The following FRMD4B variants were observed in gnomAD, a reference collection of about 807,000 sequenced individuals.
FRMD4B encodes FERM domain-containing protein 4B.
Under a neutral mutation model 141.5 loss-of-function variants are expected in FRMD4B, and 74 were observed. The observed-to-expected ratio is 0.52, with a 90% CI of 0.43 to 0.63. The LOEUF (loss-of-function observed/expected upper bound fraction) is 0.63. FRMD4B is among the 30% of genes least tolerant of loss of function. FRMD4B has a pLI of 0.00. For synonymous variants in FRMD4B, 506 were observed against 467.9 expected, an observed-to-expected ratio of 1.08 and a Z score of -1.05; for missense variants, 1,366 against 1,253.4, an observed-to-expected ratio of 1.09 and a Z score of -1.36.
rs1160250219 is a variant in FRMD4B, at chr3:69,193,706, T to A, written c.1656A>T (p.Ile552=). ...MKKLQEIENA[I]NEYRIRCGKK... ...TTCCACACCTAATTCGGTATTCGTT[T>A]ATTGCATTTTCAATCTCCTGAAGCT... Residue 552 remains isoleucine (I), a synonymous_variant, in exon 17 of 23, where the codon ATA becomes ATT. Coordinates refer to ENST00000398540, the MANE Select transcript of FRMD4B (RefSeq NM_015123.3). 1 of 1,613,856 alleles carries A rather than the reference T, an allele frequency of 6.2e-7. No homozygotes were observed. Among genetic ancestry groups the A allele is most frequent in the East Asian group, 2.2e-5 (1 of 44,880 alleles).
intron 1 of FRMD4B, among the ~76,000 whole-genome samples, chr3:69,325,760 AC>A (rs1245860026): frequency 6.6e-6 from 1 of 152,116 alleles, no homozygotes; most frequent in Non-Finnish European, 1.5e-5. Context: ...TCAGTAATAC[AC>A]CATTTATTGA....
chr3:69,433,959 A>C (rs1338765269), intron 1 of FRMD4B, among the ~76,000 whole-genome samples: 1 of 152,216 alleles, frequency 6.6e-6, no homozygotes, highest in Non-Finnish European at 1.5e-5. Flanking sequence ...GTACAGAAAG[A>C]GAGAGAGAAA....
intron 1 of FRMD4B, among the ~76,000 whole-genome samples, chr3:69,452,418 G>A (rs1378508107): frequency 6.6e-6 from 1 of 152,222 alleles, no homozygotes; most frequent in Non-Finnish European, 1.5e-5. Flanking sequence ...GGGTGACCTT[G>A]AGCAAGTCAT....
intron 4 of FRMD4B, among the ~76,000 whole-genome samples, chr3:69,300,731 T>TTTTTTG (rs948900968): frequency 3.9e-5 from 6 of 152,170 alleles, no homozygotes; most frequent in African/African-American, 9.7e-5. Context: ...CCTATTGGTT[T>TTTTTTG]TTTTTGTTTT....
At chr3:69,211,572 T>C (rs1359668935) in intron 11 of FRMD4B, among the ~76,000 whole-genome samples, 3 of 152,204 alleles carry the variant, frequency 2.0e-5, no homozygotes, top group African/African-American at 7.2e-5. Flanking sequence ...GAACAACTCC[T>C]TTTCAAAACA....
At chr3:69,315,369 A>G (rs763263989) in intron 1 of FRMD4B, among the ~76,000 whole-genome samples, 1 of 152,134 alleles carries the variant, frequency 6.6e-6, no homozygotes, top group Non-Finnish European at 1.5e-5. Flanking sequence ...ATATATTTAC[A>G]TATTAAAATA....
At chr3:69,536,666 G>A in intron 1 of FRMD4B, 1 of 888,396 alleles carries the variant, frequency 1.1e-6, no homozygotes. Context: ...AGAGTGAGAT[G>A]TCACTGGTGA....
At chr3:69,464,103 C>A (rs1336205459) in intron 1 of FRMD4B, among the ~76,000 whole-genome samples, 1 of 152,226 alleles carries the variant, frequency 6.6e-6, no homozygotes, top group Non-Finnish European at 1.5e-5. Context: ...CTACCACGTG[C>A]AGACTCTGCT....
chr3:69,353,197 G>C (rs1703207609), intron 1 of FRMD4B, among the ~76,000 whole-genome samples: 1 of 152,024 alleles, frequency 6.6e-6, no homozygotes, highest in Non-Finnish European at 1.5e-5. Context: ...AGCAAAATAA[G>C]AAATCAGCCT....
chr3:69,290,144 G>A (rs1390269528), intron 4 of FRMD4B, among the ~76,000 whole-genome samples: 3 of 152,152 alleles, frequency 2.0e-5, no homozygotes, highest in African/African-American at 4.8e-5. Context: ...TGGACTAGGC[G>A]AGTCACCTGA....
chr3:69,434,868 G>A (rs1327470903), intron 1 of FRMD4B, among the ~76,000 whole-genome samples: 3 of 152,140 alleles, frequency 2.0e-5, no homozygotes, highest in East Asian at 3.9e-4. Context: ...AGAACAAAAT[G>A]TATGTTCTCA....
chr3:69,246,140 G>A (rs554142996), intron 7 of FRMD4B, among the ~76,000 whole-genome samples: 5 of 152,032 alleles, frequency 3.3e-5, no homozygotes, highest in African/African-American at 4.8e-5. Flanking sequence ...CTCGGCACCC[G>A]GCGCCTGATT....
upstream of FRMD4B, among the ~76,000 whole-genome samples, chr3:69,387,641 G>A (rs561770746): frequency 3.9e-5 from 6 of 152,112 alleles, no homozygotes; most frequent in African/African-American, 7.2e-5. Flanking sequence ...ACAGATTATC[G>A]ACAAGTAAAT....
At chr3:69,174,472 T>G (rs1273513608) in intron 22 of FRMD4B, among the ~76,000 whole-genome samples, 1 of 152,222 alleles carries the variant, frequency 6.6e-6, no homozygotes, top group Non-Finnish European at 1.5e-5. Flanking sequence ...ACAGCTGCTT[T>G]CTCTGGATGG....
At chr3:69,338,903 T>C (rs1025219764) in intron 1 of FRMD4B, among the ~76,000 whole-genome samples, 1 of 152,198 alleles carries the variant, frequency 6.6e-6, no homozygotes, top group Non-Finnish European at 1.5e-5. Flanking sequence ...ATAAATAACT[T>C]AGTATAGTGC....
chr3:69,190,778 C>A (rs2092826891), intron 17 of FRMD4B, among the ~76,000 whole-genome samples: 1 of 152,152 alleles, frequency 6.6e-6, no homozygotes, highest in Non-Finnish European at 1.5e-5. Context: ...AATCCTTTGT[C>A]CTGGGGAGAT....
At chr3:69,240,590 G>A (rs1049377819) in intron 7 of FRMD4B, among the ~76,000 whole-genome samples, 5 of 152,038 alleles carry the variant, frequency 3.3e-5, no homozygotes, top group Non-Finnish European at 5.9e-5. Context: ...TTCTCTTCTG[G>A]GAAACTTCCT....
At chr3:69,274,878 A>C (rs1047747946) in intron 5 of FRMD4B, among the ~76,000 whole-genome samples, 3 of 152,166 alleles carry the variant, frequency 2.0e-5, no homozygotes, top group Non-Finnish European at 4.4e-5. Context: ...CGTTTTATCT[A>C]ACATCTAGGT....
intron 2 of FRMD4B, among the ~76,000 whole-genome samples, chr3:69,411,985 A>C (rs1208876447): frequency 6.6e-6 from 1 of 152,238 alleles, no homozygotes; most frequent in African/African-American, 2.4e-5. Flanking sequence ...TAGAAATTGC[A>C]TTTCTTTCTA....
Sources: allele counts gnomAD v4.1 joint callset (sites outside exome capture counted in the v4.1 genomes callset), GRCh38; gene constraint gnomAD v4.1.1; transcripts MANE v1.5; gene names NCBI Gene and HGNC (gene_info 2026-07-23, HGNC 2026-07-21).